EXOC6B: variants seen among roughly 807,000 people sequenced by gnomAD.
EXOC6B encodes the protein SEC15 homolog B.
A neutral mutation model predicts 113.5 loss-of-function variants in EXOC6B; 54 were observed. The ratio of observed to expected loss-of-function variants is 0.48; its 90% CI spans 0.38 to 0.60. The LOEUF is 0.60. Among genes scored for constraint, EXOC6B ranks in the 20% least tolerant of loss-of-function variants. The pLI, the probability that EXOC6B is intolerant of heterozygous loss-of-function variation, is 0.00. For synonymous variants in EXOC6B, 357 were observed against 339.0 expected, an observed-to-expected ratio of 1.05 and a Z score of -0.58; for missense variants, 797 against 977.5, an observed-to-expected ratio of 0.82 and a Z score of 2.46.
chr2:72,696,732 A>G (rs1187951124), intron 6 of EXOC6B, among the ~76,000 whole-genome samples: 1 of 152,212 alleles, frequency 6.6e-6, no homozygotes, highest in Admixed American at 6.5e-5. Flanking sequence ...ACCAACTGCC[A>G]GCCAGGAACA....
chr2:72,484,286 C>T (rs966638237), intron 16 of EXOC6B, among the ~76,000 whole-genome samples: 3 of 151,452 alleles, frequency 2.0e-5, no homozygotes, highest in Non-Finnish European at 4.4e-5. Context: ...CAGCTGGGCG[C>T]GGTGGCTCAC....
At chr2:72,366,435 CAG>C (rs1455750900) in intron 19 of EXOC6B, among the ~76,000 whole-genome samples, 1 of 152,162 alleles carries the variant, frequency 6.6e-6, no homozygotes, top group East Asian at 1.9e-4. Context: ...AGAAAATAAA[CAG>C]AGTATCGGTA....
chr2:72,683,914 T>C (rs558460815), intron 6 of EXOC6B, among the ~76,000 whole-genome samples: 1 of 152,300 alleles, frequency 6.6e-6, no homozygotes, highest in African/African-American at 2.4e-5. Flanking sequence ...ATTCTCTATC[T>C]AGGCCACTGC....
intron 11 of EXOC6B, among the ~76,000 whole-genome samples, chr2:72,510,422 G>C (rs1246475239): frequency 1.3e-5 from 2 of 151,208 alleles, no homozygotes; most frequent in South Asian, 2.1e-4. Flanking sequence ...GGTTATAACA[G>C]TATTTACTGC....
chr2:72,495,533 A>G lies in EXOC6B; in HGVS notation c.1450T>C (p.Phe484Leu), dbSNP rs1274103091. 6.3e-7 allele frequency: 1 copy of G among 1,582,702 alleles called. No individual in the cohort carries two copies. Among genetic ancestry groups the G allele is most frequent in the Non-Finnish European group, 8.7e-7 (1 of 1,155,084 alleles). Residue 484 changes from phenylalanine (F) to leucine (L), a missense_variant, in exon 15 of 22, where the codon TTT becomes CTT. Coordinates refer to ENST00000272427, the MANE Select transcript of EXOC6B (RefSeq NM_015189.3). ...FQDIELEKQP[F>L]PKKFPFSEFV... ...TCAGAGAAAGGAAACTTTTTTGGAA[A>G]TGGTTGCTGTAAATGCAAGAAGTAA...
At chr2:72,805,558 T>C (rs933781398) in intron 1 of EXOC6B, among the ~76,000 whole-genome samples, 1 of 152,192 alleles carries the variant, frequency 6.6e-6, no homozygotes, top group Admixed American at 6.5e-5. Flanking sequence ...CATGATGTTT[T>C]GATATATGTA....
At chr2:72,235,785 C>T (rs1001603037) in intron 20 of EXOC6B, among the ~76,000 whole-genome samples, 4 of 152,018 alleles carry the variant, frequency 2.6e-5, no homozygotes, top group African/African-American at 9.7e-5. Context: ...CTTGGTGTCT[C>T]GGTAGCCTTT....
At chr2:72,510,422 G>A (rs1246475239) in intron 11 of EXOC6B, among the ~76,000 whole-genome samples, 2 of 151,208 alleles carry the variant, frequency 1.3e-5, no homozygotes, top group Non-Finnish European at 2.9e-5. Context: ...GGTTATAACA[G>A]TATTTACTGC....
chr2:72,526,338 T>G (rs1467488424), intron 8 of EXOC6B, among the ~76,000 whole-genome samples: 1 of 151,702 alleles, frequency 6.6e-6, no homozygotes, highest in Non-Finnish European at 1.5e-5. Context: ...AAAAAAAAAC[T>G]AGGCATATAG....
chr2:72,230,215 C>T (rs1046573635), intron 20 of EXOC6B, among the ~76,000 whole-genome samples: 2 of 152,168 alleles, frequency 1.3e-5, no homozygotes, highest in African/African-American at 2.4e-5. Context: ...AATTTATTTA[C>T]TATGGAACTC....
intron 1 of EXOC6B, among the ~76,000 whole-genome samples, chr2:72,812,687 T>A (rs571640091): frequency 1.1e-5 from 1 of 94,032 alleles, no homozygotes; most frequent in Non-Finnish European, 2.9e-5. Flanking sequence ...GAGACCCCCA[T>A]CTCTAAAAAA....
At chr2:72,561,343 G>A (rs573500210) in intron 7 of EXOC6B, among the ~76,000 whole-genome samples, 4 of 152,028 alleles carry the variant, frequency 2.6e-5, no homozygotes, top group South Asian at 4.2e-4. Flanking sequence ...GAAATGACAC[G>A]TTTTTCTTTT....
At chr2:72,195,550 T>C (rs745313782) in intron 20 of EXOC6B, among the ~76,000 whole-genome samples, 49 of 152,292 alleles carry the variant, frequency 3.2e-4, no homozygotes, top group Non-Finnish European at 6.0e-4. Context: ...TGTTAAAGGT[T>C]CCTAGGTGGG....
intron 20 of EXOC6B, among the ~76,000 whole-genome samples, chr2:72,331,858 A>G (rs1688432375): frequency 6.6e-6 from 1 of 152,156 alleles, no homozygotes; most frequent in Non-Finnish European, 1.5e-5. Context: ...AGAATAGGAC[A>G]AGTAAAAAAG....
At chr2:72,365,195 C>T (rs552144832) in intron 19 of EXOC6B, among the ~76,000 whole-genome samples, 17 of 151,196 alleles carry the variant, frequency 1.1e-4, no homozygotes, top group Admixed American at 1.1e-3. Flanking sequence ...TCTTCCTGTA[C>T]TTTTCTTTTT....
intron 1 of EXOC6B, among the ~76,000 whole-genome samples, chr2:72,823,819 A>G (rs1040346519): frequency 2.6e-5 from 4 of 152,116 alleles, no homozygotes; most frequent in Admixed American, 1.3e-4. Flanking sequence ...CGCACTAAAC[A>G]TGCTACAGAC....
At chr2:72,628,512 C>A (rs533951599) in intron 6 of EXOC6B, among the ~76,000 whole-genome samples, 1 of 151,880 alleles carries the variant, frequency 6.6e-6, no homozygotes, top group African/African-American at 2.4e-5. Context: ...TGTTTGTGAC[C>A]CCTAAAATTC....
chr2:72,601,022 A>G (rs1670389883), intron 6 of EXOC6B, among the ~76,000 whole-genome samples: 4 of 152,052 alleles, frequency 2.6e-5, no homozygotes, highest in Admixed American at 2.6e-4. Flanking sequence ...ATCACATATA[A>G]AGATGTTTAA....
rs1681778927 is a variant in EXOC6B, at chr2:72,233,730, A to AT, written c.2197-49544dup. On this transcript the variant is annotated intron_variant, in intron 20 of 21. Transcript: ENST00000272427. Reference sequence around the variant, plus strand: ...TAAGATTGTTCCACACCCTCACTAAATGCGGCTTCACTCCAGCTTCTGGCC... The same window carrying AT: ...TAAGATTGTTCCACACCCTCACTAAATTGCGGCTTCACTCCAGCTTCTGGCC... Among the ~76,000 whole-genome samples, 7 of 152,228 alleles carry AT rather than the reference A, an allele frequency of 4.6e-5. No individual in the cohort carries two copies. In the South Asian group the frequency reaches 1.5e-3, roughly 32 times the overall value.
Sources: allele counts gnomAD v4.1 joint callset (sites outside exome capture counted in the v4.1 genomes callset), GRCh38; gene constraint gnomAD v4.1.1; transcripts MANE v1.5; gene names NCBI Gene and HGNC (gene_info 2026-07-23, HGNC 2026-07-21).